Variants in TLR8 observed in about 807,000 individuals in gnomAD.
TLR8 encodes toll-like receptor 8.
TLR8 carries 5 observed loss-of-function variants against 18.5 expected under a neutral mutation model. That is an observed-to-expected ratio of 0.27 (90% CI 0.14 to 0.57). The LOEUF (loss-of-function observed/expected upper bound fraction) is 0.57. Among genes scored for constraint, TLR8 ranks in the 20% least tolerant of loss-of-function variants. TLR8 has a pLI of 0.92. For missense variants in TLR8, 543 were observed against 769.8 expected (o/e 0.71, Z 3.49); for synonymous variants, 299 against 300.1 (o/e 1.00, Z 0.04).
At position 12,920,930 on chromosome X, in the gene TLR8, G is replaced by A. The variant is rs754074151; in HGVS notation, c.1890G>A (p.Arg630=). ...TTTTGTGGAATGATGATGACAACAGGTATATCTCCATTTTCAAAGGTCTCA... is the reference window on the plus strand; with the variant it reads ...TTTTGTGGAATGATGATGACAACAGATATATCTCCATTTTCAAAGGTCTCA... ...LDILWNDDDN[R]YISIFKGLKN... The change falls in exon 2 of 2, where the codon AGG becomes AGA. Residue 630 remains arginine, a synonymous_variant. Coordinates refer to ENST00000218032, the MANE Select transcript of TLR8 (RefSeq NM_138636.5). 1 of 1,210,550 alleles carries A rather than the reference G, an allele frequency of 8.3e-7. No individual in the cohort carries two copies. Among genetic ancestry groups the A allele is most frequent in the Non-Finnish European group, 1.1e-6 (1 of 894,809 alleles).
intron 1 of TLR8, among the ~76,000 whole-genome samples, chrX:12,917,223 T>C (rs1030489786): frequency 8.9e-6 from 1 of 112,205 alleles, no homozygotes; most frequent in African/African-American, 3.2e-5. Flanking sequence ...CTTGTTTTAG[T>C]GCAAGTTAAA....
In TLR8 at chrX:12,919,497, C is replaced by T. The variant is rs768640826; in HGVS notation, c.457C>T (p.Leu153=). 1.2e-5 allele frequency: 15 copies of T among 1,209,907 alleles called. No individual in the cohort carries two copies. Among genetic ancestry groups the T allele is most frequent in the Middle Eastern group, 2.3e-4 (1 of 4,337 alleles). The change falls in exon 2 of 2, where the codon CTA becomes TTA. Residue 153 remains leucine, a synonymous_variant. Transcript: ENST00000218032. The stretch of plus-strand genomic sequence containing the variant: ...GCCAGAGTCTTTGACAGAACTTAGT[C>T]TAATTCAAAACAATATATACAACAT... ...GLPESLTELS[L]IQNNIYNITK...
chrX:12,920,914 A>C lies in TLR8; in HGVS notation c.1874A>C (p.Asn625Thr). The change falls in exon 2 of 2, where the codon AAT (asparagine) becomes ACT (threonine). Residue 625 changes from asparagine to threonine, a missense_variant. Physicochemically the swap from Asn to Thr is moderately conservative, Grantham distance 65. This residue lies in a region of TLR8 where 227 missense variants were observed against 312.9 expected (regional missense o/e 0.73). Transcript: ENST00000218032. Reference protein sequence around the residue: ...FSGNRLDILWNDDDNRYISIF... With the variant: ...FSGNRLDILWTDDDNRYISIF... ...GGCAATCGCCTTGACATTTTGTGGA[A>C]TGATGATGACAACAGGTATATCTCC... The C allele has an allele frequency of 8.3e-7, 1 of 1,210,876 alleles. No homozygotes were observed. The highest frequency in any genetic ancestry group is 3.0e-5 in the East Asian group (1 of 33,867).
chrX:12,914,168 C>T (rs1410632464), intron 1 of TLR8, among the ~76,000 whole-genome samples: 3 of 111,414 alleles, frequency 2.7e-5, no homozygotes, highest in Non-Finnish European at 5.7e-5. Flanking sequence ...CAATTAATAA[C>T]GTTAGGGTAA....
intron 1 of TLR8, among the ~76,000 whole-genome samples, chrX:12,917,295 T>A (rs1002671456): frequency 8.9e-6 from 1 of 112,316 alleles, no homozygotes; most frequent in Non-Finnish European, 1.9e-5. Flanking sequence ...ACTGAACATG[T>A]CTGGGAGTTC....
chrX:12,922,313 G>A lies in TLR8; in HGVS notation c.*147G>A. 1.3e-6 allele frequency: 1 copy of A among 750,877 alleles called. No individual in the cohort carries two copies. The highest frequency in any genetic ancestry group is 1.9e-6 in the Non-Finnish European group (1 of 528,714). 61.9% of individuals were successfully genotyped at this position (750,877 alleles called of 1,213,427 possible). On this transcript the variant is annotated 3_prime_UTR_variant, in exon 2 of 2. Coordinates refer to ENST00000218032, the MANE Select transcript of TLR8 (RefSeq NM_138636.5). ...GCTGGCCCACAGTTTTTGAGGGTCA[G>A]GAGTCCAGGCCCAGCATAACTGGGT...
At chrX:12,912,817 C>T (rs970062954) in intron 1 of TLR8, among the ~76,000 whole-genome samples, 6 of 112,487 alleles carry the variant, frequency 5.3e-5, no homozygotes, top group South Asian at 3.6e-4. Context: ...ATTTTCATCC[C>T]GAAAGAACAG....
chrX:12,920,703 G>C lies in TLR8; in HGVS notation c.1663G>C (p.Asp555His). The C allele has an allele frequency of 8.3e-7, 1 of 1,211,669 alleles. No individual in the cohort carries two copies. The highest frequency in any genetic ancestry group is 1.1e-6 in the Non-Finnish European group (1 of 895,375). ...TGCTAGTGCTCTTACTGAATTGTCCGACTTGGAAGTTCTAGATCTCAGCTA... is the reference window on the plus strand; with the variant it reads ...TGCTAGTGCTCTTACTGAATTGTCCCACTTGGAAGTTCTAGATCTCAGCTA... ...DNASALTELS[D>H]LEVLDLSYNS... is the part of the protein sequence containing the mutation. Residue 555 changes from aspartate (D) to histidine (H), a missense_variant, in exon 2 of 2, where the codon GAC (aspartate) becomes CAC (histidine). Asp to His is a moderately conservative substitution (Grantham distance 81). Transcript: ENST00000218032.
In TLR8 at chrX:12,906,714, G is replaced by T; in HGVS notation, c.3+5G>T. 1 of 1,111,123 alleles carries T rather than the reference G, an allele frequency of 9.0e-7. No individual in the cohort carries two copies. Among genetic ancestry groups the T allele is most frequent in the Non-Finnish European group, 1.2e-6 (1 of 851,241 alleles). The allele number at this position is 1,111,123 out of a possible 1,213,427, so 91.6% of individuals were successfully genotyped here. A position where few individuals can be genotyped will look rare whatever the true frequency, so the allele number is the denominator to read the frequency against. On this transcript the variant is annotated splice_donor_5th_base_variant and intron_variant, in intron 1 of 1. Coordinates refer to ENST00000218032, the MANE Select transcript of TLR8 (RefSeq NM_138636.5). Reference sequence around the variant, plus strand: ...AATTAGAACAACAGAAACATGGTAAGCCACTTCTATTTCTTTAGCAAAGCT... The same window carrying T: ...AATTAGAACAACAGAAACATGGTAATCCACTTCTATTTCTTTAGCAAAGCT...
intron 1 of TLR8, among the ~76,000 whole-genome samples, chrX:12,912,682 G>A (rs1056334275): frequency 8.9e-6 from 1 of 112,928 alleles, no homozygotes; most frequent in African/African-American, 3.2e-5. Flanking sequence ...TCTTACTTCA[G>A]TACTTTTTTG....
chrX:12,907,480 C>G (rs2042992369), intron 1 of TLR8, among the ~76,000 whole-genome samples: 1 of 112,115 alleles, frequency 8.9e-6, no homozygotes, highest in African/African-American at 3.2e-5. Context: ...CCAAAATGTA[C>G]TATATATTTT....
At chrX:12,914,536 C>A (rs2043041363) in intron 1 of TLR8, among the ~76,000 whole-genome samples, 1 of 111,629 alleles carries the variant, frequency 9.0e-6, no homozygotes, top group Admixed American at 9.5e-5. Flanking sequence ...CCCAAACAAT[C>A]TTCCTGCTCA....
At position 12,920,263 on chromosome X, in the gene TLR8, A is replaced by C. The variant is rs755929264; in HGVS notation, c.1223A>C (p.Gln408Pro). The stretch of plus-strand genomic sequence containing the variant: ...AACTTGGGTATTAATTTTATTAAGC[A>C]AATCGATTTCAAACTTTTCCAAAAT... ...TINLGINFIK[Q>P]IDFKLFQNFS... Residue 408 changes from glutamine (Q) to proline (P), a missense_variant, in exon 2 of 2, where the codon CAA becomes CCA. Physicochemically the swap from Gln to Pro is moderately conservative, Grantham distance 76 (BLOSUM62 -1). Coordinates refer to ENST00000218032, the MANE Select transcript of TLR8 (RefSeq NM_138636.5). The C allele has an allele frequency of 8.3e-7, 1 of 1,207,412 alleles. No homozygotes were observed.
intron 1 of TLR8, chrX:12,910,210 GTCT>G: frequency 1.2e-6 from 1 of 847,770 alleles, no homozygotes; most frequent in Non-Finnish European, 1.6e-6. Context: ...ACTATTTCCA[GTCT>G]GGCAAAAATT....
chrX:12,919,262 C>T lies in TLR8; in HGVS notation c.222C>T (p.Phe74=). 1 of 1,211,851 alleles carries T rather than the reference C, an allele frequency of 8.3e-7. No individual in the cohort carries two copies. Among genetic ancestry groups the T allele is most frequent in the South Asian group, 1.8e-5 (1 of 57,000 alleles). The change falls in exon 2 of 2, where the codon TTC becomes TTT. Residue 74 remains phenylalanine, a synonymous_variant. Coordinates refer to ENST00000218032, the MANE Select transcript of TLR8 (RefSeq NM_138636.5). ...YVTELDLSDN[F]ITHITNESFQ... ...CAGAACTAGACCTGTCTGATAATTT[C>T]ATCACACACATAACGAATGAATCAT...
In TLR8 at chrX:12,921,279, C is replaced by G; in HGVS notation, c.2239C>G (p.Leu747Val). ...SLKHLDLSSNLLKTINKSALE... is the reference protein window; with the variant it reads ...SLKHLDLSSNVLKTINKSALE... The stretch of plus-strand genomic sequence containing the variant: ...GAAGCACCTCGATTTAAGTTCCAAT[C>G]TGCTAAAAACAATCAACAAATCCGC... The change falls in exon 2 of 2, where the codon CTG becomes GTG. Residue 747 changes from leucine (L) to valine (V), a missense_variant. Physicochemically the swap from Leu to Val is conservative, Grantham distance 32 (BLOSUM62 1). Coordinates refer to ENST00000218032, the MANE Select transcript of TLR8 (RefSeq NM_138636.5). 1 of 1,211,633 alleles carries G rather than the reference C, an allele frequency of 8.3e-7. No homozygotes were observed. The highest frequency in any genetic ancestry group is 1.1e-6 in the Non-Finnish European group (1 of 895,435).
intron 1 of TLR8, among the ~76,000 whole-genome samples, chrX:12,916,145 A>G (rs1265609820): frequency 1.8e-5 from 2 of 111,330 alleles, no homozygotes; most frequent in Non-Finnish European, 3.8e-5. Context: ...CCTAGGTTCC[A>G]CTTCTTTATG....
At chrX:12,911,290 G>A (rs2043019352) in intron 1 of TLR8, among the ~76,000 whole-genome samples, 1 of 112,162 alleles carries the variant, frequency 8.9e-6, no homozygotes. Flanking sequence ...CCACAAGTCA[G>A]AAACCAATGT....
chrX:12,912,500 A>C (rs998387497), intron 1 of TLR8, among the ~76,000 whole-genome samples: 1 of 113,613 alleles, frequency 8.8e-6, no homozygotes. Flanking sequence ...AGCACCCTGC[A>C]AAGTGAGCAT....
Sources: gnomAD v4.1 joint callset for allele counts (sites outside exome capture counted in the v4.1 genomes callset) on GRCh38, gnomAD v4.1.1 for gene constraint, gnomAD v4.1.1 regional missense constraint, MANE v1.5 for transcripts, NCBI Gene and HGNC (gene_info 2026-07-23, HGNC 2026-07-21) for gene names.